ROR1: variants seen among roughly 807,000 people sequenced by gnomAD.
ROR1 encodes inactive tyrosine-protein kinase transmembrane receptor ROR1.
In ROR1, 19 loss-of-function variants were observed where a neutral mutation model predicts 78.8. The observed-to-expected ratio is 0.24, with a 90% CI of 0.17 to 0.35. The LOEUF (loss-of-function observed/expected upper bound fraction) is 0.35, where lower values mean the gene tolerates loss of function less well. Ranked by LOEUF, ROR1 falls within the 10% of genes least tolerant of loss-of-function variation. The pLI is 1.00. For synonymous variants in ROR1, 386 were observed against 433.6 expected, an observed-to-expected ratio of 0.89 and a Z score of 1.36; for missense variants, 917 against 1,177.8, an observed-to-expected ratio of 0.78 and a Z score of 3.24.
intron 1 of ROR1, among the ~76,000 whole-genome samples, chr1:63,941,258 A>G (rs1469619635): frequency 6.6e-6 from 1 of 152,230 alleles, no homozygotes; most frequent in Non-Finnish European, 1.5e-5. Flanking sequence ...TTAAAAATAC[A>G]TACTGAAATA....
At chr1:63,934,943 T>A (rs1431904960) in intron 1 of ROR1, among the ~76,000 whole-genome samples, 1 of 152,198 alleles carries the variant, frequency 6.6e-6, no homozygotes, top group Non-Finnish European at 1.5e-5. Context: ...AGTAACAATT[T>A]ATCATGCTTC....
chr1:63,839,348 CTA>C lies in ROR1; in HGVS notation c.91+64842_91+64843del, dbSNP rs1557521023. On this transcript the variant is annotated intron_variant, in intron 1 of 8. Coordinates refer to ENST00000371079, the MANE Select transcript of ROR1 (RefSeq NM_005012.4). ...AAAAGAATGTCTGTCTCCATATCAT[CTA>C]TCTATCTATCTATCTATCTATCTAT... Among the ~76,000 whole-genome samples the C allele has an allele frequency of 6.0e-4, 7 of 11,618 alleles. No homozygotes were observed. In the East Asian group the frequency reaches 7.9e-3, roughly 13 times the overall value. 7.6% of individuals were successfully genotyped at this position (11,618 alleles called of 152,430 possible).
intron 1 of ROR1, among the ~76,000 whole-genome samples, chr1:63,865,913 T>C (rs1048417497): frequency 2.0e-5 from 3 of 152,096 alleles, no homozygotes; most frequent in African/African-American, 7.2e-5. Context: ...AGTGAAGTGG[T>C]CTTGAATGCA....
In ROR1 at chr1:63,774,171, G is replaced by A. The variant is rs1191456585; in HGVS notation, c.-247G>A. 3 of 222,276 alleles carry A rather than the reference G, an allele frequency of 1.3e-5. No homozygotes were observed. The highest frequency in any genetic ancestry group is 1.7e-5 in the Non-Finnish European group (2 of 114,316). The allele number at this position is 222,276 out of a possible 1,614,324, so 13.8% of individuals were successfully genotyped here. ...CCACTGGTGCGACCCGGACAGCCTG[G>A]GACTGACCCGCCGGCCCAGGCGAGG... On this transcript the variant is annotated 5_prime_UTR_variant, in exon 1 of 9. Transcript: ENST00000371079. The surrounding 1 kb of genome is among the most constrained non-coding windows in gnomAD (Gnocchi z 5.7).
chr1:63,799,295 T>TGCCATG (rs1644781307), intron 1 of ROR1, among the ~76,000 whole-genome samples: 1 of 152,200 alleles, frequency 6.6e-6, no homozygotes, highest in African/African-American at 2.4e-5. Flanking sequence ...GGCTCCCCAT[T>TGCCATG]GCCATGGCCA....
rs116412655 is a variant in ROR1, at chr1:63,893,690, C to A, written c.92-115615C>A. ...CTAAGAAACGAAGCAGCTGTCTTTTCATCAATTAATGGTATCAAAAGTATC... is the reference window on the plus strand; with the variant it reads ...CTAAGAAACGAAGCAGCTGTCTTTTAATCAATTAATGGTATCAAAAGTATC... On this transcript the variant is annotated intron_variant, in intron 1 of 8. Transcript: ENST00000371079. Among the ~76,000 whole-genome samples, 928 of 152,142 alleles carry A rather than the reference C, an allele frequency of 6.1e-3. 13 individuals carry two copies. The highest frequency in any genetic ancestry group is 0.021 in the African/African-American group (891 of 41,506).
chr1:64,081,912 A>G (rs529594633), intron 4 of ROR1, among the ~76,000 whole-genome samples: 40 of 152,344 alleles, frequency 2.6e-4, no homozygotes, highest in African/African-American at 9.1e-4. Context: ...CCAAGAGTTT[A>G]TACTTTGTTT....
Position 63,774,375 on chromosome 1 carries a change from C to T in ROR1, c.-43C>T. The T allele has an allele frequency of 8.2e-7, 1 of 1,219,814 alleles. No homozygotes were observed. The highest frequency in any genetic ancestry group is 1.1e-6 in the Non-Finnish European group (1 of 950,302). The allele number at this position is 1,219,814 out of a possible 1,614,324, so 75.6% of individuals were successfully genotyped here. On this transcript the variant is annotated 5_prime_UTR_variant, in exon 1 of 9. Transcript: ENST00000371079. This position sits in a 1 kb window ranked among gnomAD's most constrained non-coding sequence, Gnocchi z 5.7. ...GAAGAGCCCGTGGATGTTCTGCGCG[C>T]GGCCTGGGAGCCGCCGCCGCCGCCG...
intron 1 of ROR1, among the ~76,000 whole-genome samples, chr1:63,775,010 C>T (rs764980272): frequency 2.0e-5 from 3 of 152,140 alleles, no homozygotes; most frequent in Non-Finnish European, 4.4e-5. Flanking sequence ...AAGCCCTGTC[C>T]TCCTGGGGCT....
chr1:64,152,828 C>T (rs1038336100), intron 7 of ROR1, among the ~76,000 whole-genome samples: 5 of 152,140 alleles, frequency 3.3e-5, no homozygotes, highest in African/African-American at 1.2e-4. Context: ...AGGCAGGATT[C>T]CTCAAGCATA....
intron 1 of ROR1, among the ~76,000 whole-genome samples, chr1:63,948,686 C>A (rs889032760): frequency 1.4e-4 from 22 of 152,138 alleles, no homozygotes; most frequent in Non-Finnish European, 2.9e-4. Context: ...GGAGATGGGG[C>A]CTTTGGAAGG....
intron 7 of ROR1, among the ~76,000 whole-genome samples, chr1:64,149,049 A>G (rs1179707020): frequency 6.6e-6 from 1 of 152,190 alleles, no homozygotes; most frequent in African/African-American, 2.4e-5. Context: ...GTATTGTCAT[A>G]TAGTTCCCAG....
At chr1:64,134,260 T>A (rs570367738) in intron 4 of ROR1, among the ~76,000 whole-genome samples, 104 of 152,302 alleles carry the variant, frequency 6.8e-4, no homozygotes, top group Middle Eastern at 6.8e-3. Flanking sequence ...GTTTTGTAAG[T>A]ATATAAAACT....
chr1:64,065,341 T>C (rs1399282787), intron 4 of ROR1, among the ~76,000 whole-genome samples: 1 of 152,204 alleles, frequency 6.6e-6, no homozygotes, highest in Non-Finnish European at 1.5e-5. Context: ...TGTGGGGAGA[T>C]GATCAGTTGA....
chr1:64,112,635 A>C (rs1648150945), intron 4 of ROR1, among the ~76,000 whole-genome samples: 1 of 151,306 alleles, frequency 6.6e-6, no homozygotes, highest in Non-Finnish European at 1.5e-5. Context: ...CTTTTTTCCC[A>C]CCTCTTTGAG....
chr1:64,091,968 C>T (rs6687071), intron 4 of ROR1, among the ~76,000 whole-genome samples: 94,333 of 152,018 alleles, frequency 0.62, 31,249 homozygotes, highest in African/African-American at 0.86. Flanking sequence ...TCATTTTATT[C>T]AGTGAACAAA....
At chr1:63,840,861 A>G (rs1329916857) in intron 1 of ROR1, among the ~76,000 whole-genome samples, 1 of 152,300 alleles carries the variant, frequency 6.6e-6, no homozygotes, top group East Asian at 1.9e-4. Flanking sequence ...AATGGGAATA[A>G]TACTATTCAT....
rs547067244 is a variant in ROR1, at chr1:64,054,345, T to C, written c.482+3629T>C. The stretch of plus-strand genomic sequence containing the variant: ...CAGGCTGGAGTTCAGTGGCATGACC[T>C]TGGCTCACTGCAACCCCTGCCTCTG... On this transcript the variant is annotated intron_variant, in intron 4 of 8. Transcript: ENST00000371079. Among the ~76,000 whole-genome samples, 229 of 152,254 alleles carry C rather than the reference T, an allele frequency of 1.5e-3. 2 individuals are homozygous for C. The highest frequency in any genetic ancestry group is 5.4e-3 in the African/African-American group (224 of 41,550).
At chr1:63,878,314 C>T (rs1286246977) in intron 1 of ROR1, among the ~76,000 whole-genome samples, 2 of 152,176 alleles carry the variant, frequency 1.3e-5, no homozygotes, top group Admixed American at 6.5e-5. Context: ...TATACCTTTA[C>T]TTCCATTTTG....
Sources: gnomAD v4.1 joint callset for allele counts (sites outside exome capture counted in the v4.1 genomes callset) on GRCh38, gnomAD v4.1.1 for gene constraint, Gnocchi (gnomAD v3.1) non-coding constraint, MANE v1.5 for transcripts, NCBI Gene and HGNC (gene_info 2026-07-23, HGNC 2026-07-21) for gene names.